ASTN2: variants seen among roughly 807,000 people sequenced by gnomAD.
ASTN2 encodes astrotactin-2.
A neutral mutation model predicts 139.8 loss-of-function variants in ASTN2; 54 were observed. The observed-to-expected ratio is 0.39, with a 90% CI of 0.31 to 0.48. ASTN2 has a LOEUF of 0.48. ASTN2 is among the 20% of genes least tolerant of loss of function. The probability of loss-of-function intolerance (pLI) is 0.95; values close to 1 mark genes in which losing one functional copy is unlikely to be tolerated. For synonymous variants in ASTN2, 756 were observed against 719.5 expected (o/e 1.05, Z -0.81); for missense variants, 1,565 against 1,725.1 (o/e 0.91, Z 1.64).
At chr9:116,960,210 G>T (rs1401669007) in intron 10 of ASTN2, among the ~76,000 whole-genome samples, 1 of 152,072 alleles carries the variant, frequency 6.6e-6, no homozygotes, top group Non-Finnish European at 1.5e-5. Context: ...TCTAAGCCAG[G>T]CTCTGCAGAA....
intron 10 of ASTN2, among the ~76,000 whole-genome samples, chr9:116,867,137 T>C (rs918774667): frequency 1.4e-4 from 21 of 150,360 alleles, no homozygotes; most frequent in African/African-American, 5.1e-4. Context: ...AGAGAAAGGA[T>C]GTGAAAAGAT....
At chr9:116,511,883 T>A (rs1248661008) in intron 19 of ASTN2, among the ~76,000 whole-genome samples, 1 of 152,188 alleles carries the variant, frequency 6.6e-6, no homozygotes, top group Non-Finnish European at 1.5e-5. Context: ...GTCTATTTGA[T>A]TCTTCTCTCT....
Position 116,440,767 on chromosome 9 carries a change from C to G in ASTN2, c.3624G>C (p.Leu1208=). The change falls in exon 22 of 23, where the codon CTG becomes CTC. Residue 1208 remains leucine (L), a synonymous_variant. Coordinates refer to ENST00000313400, the MANE Select transcript of ASTN2 (RefSeq NM_001365068.1). ...CCTTTCCACTTGTGTACCCATTGTACAGATTGTAGATCTTGTCAGCTATTT... is the reference window on the plus strand; with the variant it reads ...CCTTTCCACTTGTGTACCCATTGTAGAGATTGTAGATCTTGTCAGCTATTT... The part of the protein sequence containing the change: ...AEEIADKIYN[L]YNGYTSGKEQ... 6.2e-7 allele frequency: 1 copy of G among 1,614,024 alleles called. No individual in the cohort carries two copies. Among genetic ancestry groups the G allele is most frequent in the Non-Finnish European group, 8.5e-7 (1 of 1,179,958 alleles).
chr9:116,522,064 G>T (rs2119238830), intron 19 of ASTN2, among the ~76,000 whole-genome samples: 1 of 152,252 alleles, frequency 6.6e-6, no homozygotes, highest in South Asian at 2.1e-4. Flanking sequence ...CATTGTTGGT[G>T]GGAATGTAAA....
rs982207708 is a variant in ASTN2 at position 117,372,212 on chromosome 9, G to T, written c.442+42285C>A. Among the ~76,000 whole-genome samples the T allele has an allele frequency of 3.9e-5, 6 of 152,126 alleles. No individual in the cohort carries two copies. In the East Asian group the frequency reaches 1.2e-3, roughly 29 times the overall value. ...TGACTCAAAGGGTGATTATGTCCTT[G>T]GCACATTAGCCCTGCACCTGCCTCT... On this transcript the variant is annotated intron_variant, in intron 1 of 22. Coordinates refer to ENST00000313400, the MANE Select transcript of ASTN2 (RefSeq NM_001365068.1).
At chr9:117,230,346 C>T (rs1035699529) in intron 2 of ASTN2, among the ~76,000 whole-genome samples, 4 of 152,126 alleles carry the variant, frequency 2.6e-5, no homozygotes, top group African/African-American at 9.7e-5. Context: ...CTTCTGGTGG[C>T]TCCTGGAATT....
chr9:117,128,921 G>A (rs1175676377), intron 4 of ASTN2, among the ~76,000 whole-genome samples: 1 of 152,202 alleles, frequency 6.6e-6, no homozygotes. Context: ...CAGATCTCAT[G>A]AGACTTATTC....
At chr9:116,844,254 T>A (rs1206158834) in intron 11 of ASTN2, among the ~76,000 whole-genome samples, 1 of 152,230 alleles carries the variant, frequency 6.6e-6, no homozygotes, top group Non-Finnish European at 1.5e-5. Context: ...AGAATCAGTT[T>A]TCTTTTTCTC....
At chr9:116,952,221 T>C (rs1835582670) in intron 10 of ASTN2, among the ~76,000 whole-genome samples, 1 of 152,178 alleles carries the variant, frequency 6.6e-6, no homozygotes. Flanking sequence ...TAGTAATGCA[T>C]GGGGTATGTC....
At chr9:116,982,654 C>A (rs1462498783) in intron 7 of ASTN2, among the ~76,000 whole-genome samples, 1 of 152,030 alleles carries the variant, frequency 6.6e-6, no homozygotes, top group African/African-American at 2.4e-5. Context: ...CAGCCTTGAG[C>A]TTTTGGGCTC....
chr9:117,276,129 T>A (rs1834182851), intron 2 of ASTN2, among the ~76,000 whole-genome samples: 1 of 152,174 alleles, frequency 6.6e-6, no homozygotes, highest in Admixed American at 6.5e-5. Flanking sequence ...ACAGCTACAA[T>A]TTATTGAGAA....
intron 16 of ASTN2, chr9:116,697,849 T>G: frequency 6.2e-7 from 1 of 1,614,194 alleles, no homozygotes; most frequent in Non-Finnish European, 8.5e-7. Flanking sequence ...CGTCCCAAGC[T>G]TCTGCACTGT....
chr9:116,748,084 G>A (rs539744472), intron 13 of ASTN2, among the ~76,000 whole-genome samples: 1 of 152,286 alleles, frequency 6.6e-6, no homozygotes, highest in Admixed American at 6.5e-5. Flanking sequence ...GACAGTGAAA[G>A]GCCCTCACAC....
intron 19 of ASTN2, among the ~76,000 whole-genome samples, chr9:116,527,602 A>C (rs1364858478): frequency 6.6e-6 from 1 of 152,164 alleles, no homozygotes; most frequent in Non-Finnish European, 1.5e-5. Context: ...TTCATCAAAA[A>C]CTTAAAACTA....
chr9:116,510,019 C>T (rs1850298838), intron 19 of ASTN2, among the ~76,000 whole-genome samples: 1 of 152,130 alleles, frequency 6.6e-6, no homozygotes, highest in Non-Finnish European at 1.5e-5. Context: ...AATTAGATCC[C>T]ATTTGTCATT....
chr9:117,306,619 C>T (rs1835005806), intron 1 of ASTN2, among the ~76,000 whole-genome samples: 2 of 152,180 alleles, frequency 1.3e-5, no homozygotes, highest in Admixed American at 6.5e-5. Context: ...TGATCTCACA[C>T]TGTCTTAATG....
chr9:116,803,522 A>ATTTTTTTTT (rs1158429877), intron 13 of ASTN2, among the ~76,000 whole-genome samples: 3 of 21,138 alleles, frequency 1.4e-4, no homozygotes, highest in African/African-American at 2.2e-4. Flanking sequence ...ATATATATAT[A>ATTTTTTTTT]TTTTTTTTTT....
chr9:116,960,735 A>T (rs140833222), intron 10 of ASTN2, among the ~76,000 whole-genome samples: 157 of 152,200 alleles, frequency 1.0e-3, no homozygotes, highest in African/African-American at 3.4e-3. Flanking sequence ...CAGTTTAGAG[A>T]TGAAGGAAGT....
At chr9:116,685,108 T>C (rs1346322588) in intron 16 of ASTN2, among the ~76,000 whole-genome samples, 1 of 152,206 alleles carries the variant, frequency 6.6e-6, no homozygotes, top group Non-Finnish European at 1.5e-5. Context: ...TGAGCCTCCC[T>C]AAAATGCTTC....
Sources: allele counts gnomAD v4.1 joint callset (sites outside exome capture counted in the v4.1 genomes callset), GRCh38; gene constraint gnomAD v4.1.1; transcripts MANE v1.5; gene names NCBI Gene and HGNC (gene_info 2026-07-23, HGNC 2026-07-21).